DCLK2: variants seen among roughly 807,000 people sequenced by gnomAD.
The protein encoded by DCLK2 is serine/threonine-protein kinase DCLK2.
In DCLK2, 31 loss-of-function variants were observed where a neutral mutation model predicts 78.4. The observed-to-expected ratio is 0.40, with a 90% confidence interval of 0.30 to 0.53. The LOEUF is 0.53. Among genes scored for constraint, DCLK2 ranks in the 20% least tolerant of loss-of-function variants. The probability of loss-of-function intolerance (pLI) is 0.61; values close to 1 mark genes in which losing one functional copy is unlikely to be tolerated. For synonymous variants in DCLK2, 407 were observed against 374.9 expected, an observed-to-expected ratio of 1.09 and a Z score of -0.99; for missense variants, 872 against 973.7, an observed-to-expected ratio of 0.90 and a Z score of 1.39.
intron 8 of DCLK2, among the ~76,000 whole-genome samples, chr4:150,226,710 T>G (rs1429249148): frequency 2.0e-5 from 3 of 152,208 alleles, no homozygotes; most frequent in Non-Finnish European, 4.4e-5. Context: ...TGTCATTCTA[T>G]TTTTATAATG....
chr4:150,185,526 C>T (rs1408013384), intron 2 of DCLK2, among the ~76,000 whole-genome samples: 2 of 151,844 alleles, frequency 1.3e-5, no homozygotes, highest in Non-Finnish European at 2.9e-5. Flanking sequence ...CCAGCCTGAC[C>T]AACATGGCAA....
intron 2 of DCLK2, among the ~76,000 whole-genome samples, chr4:150,134,947 T>C (rs1733586653): frequency 6.6e-6 from 1 of 152,140 alleles, no homozygotes; most frequent in South Asian, 2.1e-4. Flanking sequence ...TTTTGCCTTT[T>C]AGATGAGTAT....
At chr4:150,148,193 G>A (rs192564334) in intron 2 of DCLK2, among the ~76,000 whole-genome samples, 2 of 152,158 alleles carry the variant, frequency 1.3e-5, no homozygotes, top group East Asian at 1.9e-4. Context: ...GCAAAACCAT[G>A]TCTCCACTAA....
chr4:150,239,395 C>G (rs946981152), intron 10 of DCLK2, among the ~76,000 whole-genome samples: 18 of 152,048 alleles, frequency 1.2e-4, no homozygotes, highest in African/African-American at 4.3e-4. Flanking sequence ...CCCAGGAGTT[C>G]AAGACCAGCT....
intron 2 of DCLK2, among the ~76,000 whole-genome samples, chr4:150,147,483 G>A (rs999338451): frequency 2.6e-4 from 40 of 152,264 alleles, no homozygotes; most frequent in African/African-American, 9.1e-4. Context: ...ATATAAACAG[G>A]TTGAAATAAA....
chr4:150,238,519 G>T (rs781722692), intron 10 of DCLK2, among the ~76,000 whole-genome samples: 2 of 152,156 alleles, frequency 1.3e-5, no homozygotes, highest in Non-Finnish European at 2.9e-5. Flanking sequence ...TTCTAGAAAG[G>T]TTCTTTAAGC....
intron 10 of DCLK2, among the ~76,000 whole-genome samples, chr4:150,239,412 G>T (rs1349911176): frequency 6.6e-6 from 1 of 152,030 alleles, no homozygotes; most frequent in Non-Finnish European, 1.5e-5. Context: ...AGCTTGGGCA[G>T]TATAAGGAGA....
At chr4:150,124,209 C>G (rs1732767850) in intron 2 of DCLK2, among the ~76,000 whole-genome samples, 1 of 152,144 alleles carries the variant, frequency 6.6e-6, no homozygotes, top group African/African-American at 2.4e-5. Flanking sequence ...TTTGCCTCCA[C>G]AGAAGTTTAA....
At chr4:150,080,868 CT>C (rs1437335897) in intron 1 of DCLK2, among the ~76,000 whole-genome samples, 2 of 152,194 alleles carry the variant, frequency 1.3e-5, no homozygotes, top group Non-Finnish European at 2.9e-5. Context: ...TATGTATGTG[CT>C]TGTGACTTCA....
intron 12 of DCLK2, among the ~76,000 whole-genome samples, chr4:150,247,193 C>A (rs1483838530): frequency 1.3e-5 from 2 of 151,936 alleles, no homozygotes; most frequent in Non-Finnish European, 2.9e-5. Context: ...CAAATATTTT[C>A]TTGAGTGTGT....
At chr4:150,255,591 T>A (rs2126656528) in intron 15 of DCLK2, among the ~76,000 whole-genome samples, 1 of 152,368 alleles carries the variant, frequency 6.6e-6, no homozygotes, top group African/African-American at 2.4e-5. Context: ...GGATTAATTA[T>A]TCACAGGACA....
At chr4:150,194,022 G>GAC (rs58179559) in intron 3 of DCLK2, among the ~76,000 whole-genome samples, 6,068 of 133,706 alleles carry the variant, frequency 0.045, 161 homozygotes, top group African/African-American at 0.059. Flanking sequence ...AAAGTGCTGG[G>GAC]ACACACACAC....
intron 2 of DCLK2, among the ~76,000 whole-genome samples, chr4:150,142,460 G>C (rs947826594): frequency 6.6e-6 from 1 of 152,124 alleles, no homozygotes; most frequent in African/African-American, 2.4e-5. Flanking sequence ...TGTTTACCTG[G>C]ATATTTTTAG....
intron 4 of DCLK2, chr4:150,199,022 G>T (rs1410263212): frequency 5.0e-6 from 8 of 1,588,984 alleles, no homozygotes; most frequent in African/African-American, 1.3e-5. Flanking sequence ...TACTGCATGT[G>T]TACAGTAAAG....
intron 1 of DCLK2, among the ~76,000 whole-genome samples, chr4:150,094,301 A>G (rs558728372): frequency 1.3e-5 from 2 of 152,242 alleles, no homozygotes; most frequent in Non-Finnish European, 2.9e-5. Flanking sequence ...TGCAGATAAC[A>G]TGTCTGACAA....
chr4:150,090,383 C>G (rs1729970094), intron 1 of DCLK2, among the ~76,000 whole-genome samples: 1 of 152,156 alleles, frequency 6.6e-6, no homozygotes. Context: ...TCCACTCCAG[C>G]CTGGGCAACA....
chr4:150,150,561 T>G (rs929517369), intron 2 of DCLK2, among the ~76,000 whole-genome samples: 29 of 152,374 alleles, frequency 1.9e-4, no homozygotes, highest in African/African-American at 7.0e-4. Context: ...GAGTATTTGA[T>G]AAATGTAGCA....
chr4:150,134,283 T>C lies in DCLK2; in HGVS notation c.756+31471T>C, dbSNP rs1038788461. 2.0e-5 allele frequency among the ~76,000 whole-genome samples: 3 copies of C among 152,004 alleles called. No homozygotes were observed. In the East Asian group the frequency reaches 5.8e-4, roughly 29 times the overall value. The stretch of plus-strand genomic sequence containing the variant: ...TTTTAGTAGAGATGCGGTTTCACCA[T>C]GTTGGTCAGGCTGCTCTCGAACTTC... On this transcript the variant is annotated intron_variant, in intron 2 of 15. Coordinates refer to ENST00000296550, the MANE Select transcript of DCLK2 (RefSeq NM_001040260.4).
intron 2 of DCLK2, among the ~76,000 whole-genome samples, chr4:150,192,263 G>A (rs946822467): frequency 1.8e-4 from 27 of 152,006 alleles, no homozygotes; most frequent in African/African-American, 6.0e-4. Context: ...GGCAGATCAC[G>A]AGGTCAGGAG....
Sources: allele counts gnomAD v4.1 joint callset (sites outside exome capture counted in the v4.1 genomes callset), GRCh38; gene constraint gnomAD v4.1.1; transcripts MANE v1.5; gene names NCBI Gene and HGNC (gene_info 2026-07-23, HGNC 2026-07-21).